The following EXOSC7 variants were observed in gnomAD, a reference collection of about 807,000 sequenced individuals.
The protein encoded by EXOSC7 is exosome complex component RRP42.
In EXOSC7, 25 loss-of-function variants were observed where a neutral mutation model predicts 34.3. That is an observed-to-expected ratio of 0.73 (90% CI 0.53 to 1.02). EXOSC7 has a LOEUF of 1.02. Among genes scored for constraint, EXOSC7 ranks in the 50% least tolerant of loss-of-function variants. EXOSC7 has a pLI of 0.00. For synonymous variants in EXOSC7, 130 were observed against 143.0 expected (o/e 0.91, Z 0.65); for missense variants, 370 against 368.5 (o/e 1.00, Z -0.03).
chr3:45,005,242 T>A lies in EXOSC7; in HGVS notation c.492-49T>A, dbSNP rs772247607. The A allele has an allele frequency of 2.5e-6, 4 of 1,608,958 alleles. No homozygotes were observed. In the Admixed American group the frequency reaches 6.7e-5, roughly 27 times the overall value. On this transcript the variant is annotated intron_variant, in intron 5 of 7. Transcript: ENST00000265564. ...TCCTATTCTCAATCTTAAAAAGAAG[T>A]TATTTTTCCTCCTCCAAGTGGGAAT...
chr3:45,011,391 C>G lies in EXOSC7; in HGVS notation c.*52C>G. 1 of 1,162,590 alleles carries G rather than the reference C, an allele frequency of 8.6e-7. No homozygotes were observed. Among genetic ancestry groups the G allele is most frequent in the Non-Finnish European group, 1.3e-6 (1 of 794,824 alleles). 72.0% of individuals were successfully genotyped at this position (1,162,590 alleles called of 1,614,324 possible). A position where few individuals can be genotyped will look rare whatever the true frequency, so the allele number is the denominator to read the frequency against. On this transcript the variant is annotated 3_prime_UTR_variant, in exon 8 of 8. Transcript: ENST00000265564. ...ATTGTTTTTTACTTTTCCTTTTAAA[C>G]CGGTTCGTATATATTTTTCTTCGCT...
At chr3:45,001,900 C>G (rs550153457) in intron 5 of EXOSC7, 27 of 347,574 alleles carry the variant, frequency 7.8e-5, no homozygotes, top group African/African-American at 4.3e-4. Context: ...GAGTAGACAC[C>G]ACCTACAGGC....
intron 3 of EXOSC7, among the ~76,000 whole-genome samples, chr3:44,992,143 A>G (rs1706591048): frequency 6.6e-6 from 1 of 152,190 alleles, no homozygotes; most frequent in African/African-American, 2.4e-5. Context: ...GTGCCCAGCA[A>G]TAAGGGTGCC....
intron 6 of EXOSC7, among the ~76,000 whole-genome samples, chr3:45,006,408 T>A (rs1178233302): frequency 8.3e-6 from 1 of 120,904 alleles, no homozygotes; most frequent in Non-Finnish European, 1.7e-5. Flanking sequence ...TTATTTGTTT[T>A]TTTTTTTTTT....
At chr3:44,996,187 C>G (rs966102918) in intron 3 of EXOSC7, among the ~76,000 whole-genome samples, 1 of 152,182 alleles carries the variant, frequency 6.6e-6, no homozygotes, top group Non-Finnish European at 1.5e-5. Flanking sequence ...TTTATAGAGT[C>G]CATGCTGAAA....
At chr3:44,989,416 C>T in intron 2 of EXOSC7, 134 bp from the exon 3 acceptor site, 1 of 834,582 alleles carries the variant, frequency 1.2e-6, no homozygotes, top group Non-Finnish European at 1.9e-6. Context: ...CTCACCTCCT[C>T]CAAAGACCAC....
chr3:44,999,514 C>A (rs1235382938), intron 4 of EXOSC7, among the ~76,000 whole-genome samples: 1 of 152,032 alleles, frequency 6.6e-6, no homozygotes, highest in Non-Finnish European at 1.5e-5. Context: ...CATGGTGAAA[C>A]CCTGTCTCTA....
chr3:44,976,289 G>A lies in EXOSC7; in HGVS notation c.12G>A (p.Val4=), dbSNP rs748652292. ...GGCAGCTCGGCAGCATGGCGTCCGT[G>A]ACGCTGAGCGAGGCGGAGAAGGTGT... is the stretch of plus-strand genomic sequence containing the variant. MAS[V]TLSEAEKVYI... The change falls in exon 1 of 8, where the codon GTG becomes GTA. Residue 4 remains valine (V), a synonymous_variant. Transcript: ENST00000265564. The A allele has an allele frequency of 6.4e-7, 1 of 1,562,072 alleles. No homozygotes were observed. The highest frequency in any genetic ancestry group is 1.2e-5 in the South Asian group (1 of 85,230).
At chr3:44,987,888 G>A (rs933724670) in intron 1 of EXOSC7, among the ~76,000 whole-genome samples, 2 of 152,222 alleles carry the variant, frequency 1.3e-5, no homozygotes, top group African/African-American at 4.8e-5. Flanking sequence ...AATGAACCAT[G>A]TGATGTTAGA....
chr3:45,008,524 T>C (rs1419777089), intron 7 of EXOSC7, among the ~76,000 whole-genome samples: 1 of 152,252 alleles, frequency 6.6e-6, no homozygotes, highest in Non-Finnish European at 1.5e-5. Flanking sequence ...CTGCCCTGGC[T>C]GCAAACCTGG....
At chr3:44,992,787 A>C (rs1433407157) in intron 3 of EXOSC7, among the ~76,000 whole-genome samples, 1 of 152,198 alleles carries the variant, frequency 6.6e-6, no homozygotes, top group Non-Finnish European at 1.5e-5. Context: ...CGAGCCATCA[A>C]GTTGCTTCTC....
intron 7 of EXOSC7, 60 bp downstream of exon 7, chr3:45,007,635 C>T (rs1453461127): frequency 4.0e-6 from 6 of 1,481,806 alleles, no homozygotes; most frequent in Non-Finnish European, 5.4e-6. Flanking sequence ...CTGCTTCCTG[C>T]TCCCTTGGTC....
intron 3 of EXOSC7, among the ~76,000 whole-genome samples, chr3:44,993,177 T>G (rs1706618172): frequency 6.6e-6 from 1 of 152,148 alleles, no homozygotes; most frequent in Non-Finnish European, 1.5e-5. Flanking sequence ...ATGAGATAAC[T>G]CTCGCAGACA....
At chr3:44,985,909 T>C (rs942908031) in intron 1 of EXOSC7, among the ~76,000 whole-genome samples, 2 of 152,084 alleles carry the variant, frequency 1.3e-5, no homozygotes, top group African/African-American at 2.4e-5. Context: ...GTAGATTAGC[T>C]AGATACAGAG....
intron 1 of EXOSC7, among the ~76,000 whole-genome samples, chr3:44,982,996 C>T (rs1706311531): frequency 2.0e-5 from 3 of 152,304 alleles, no homozygotes; most frequent in South Asian, 4.1e-4. Context: ...GGAATTTAGT[C>T]TCACTTCTCC....
chr3:44,979,029 AGTT>A (rs1459168342), intron 1 of EXOSC7, among the ~76,000 whole-genome samples: 1 of 152,214 alleles, frequency 6.6e-6, no homozygotes, highest in Non-Finnish European at 1.5e-5. Context: ...ATTTGGGCAC[AGTT>A]GTTGGTAAAT....
At chr3:45,005,513 A>G in intron 6 of EXOSC7, 99 bp downstream of exon 6, 1 of 1,213,154 alleles carries the variant, frequency 8.2e-7, no homozygotes, top group Non-Finnish European at 1.2e-6. Context: ...AAGTTGTAAT[A>G]CCACACACCA....
At chr3:45,005,264 G>A (rs762077093) in intron 5 of EXOSC7, 27 bp from the exon 6 acceptor site, 4 of 1,613,206 alleles carry the variant, frequency 2.5e-6, no homozygotes, top group Non-Finnish European at 2.5e-6. Context: ...CTCCAAGTGG[G>A]AATTTTACTA....
Position 44,997,076 on chromosome 3 carries a change from G to GT in EXOSC7, c.255-7dup, listed in dbSNP as rs777435027. 6.2e-7 allele frequency: 1 copy of GT among 1,608,434 alleles called. No individual in the cohort carries two copies. The highest frequency in any genetic ancestry group is 1.3e-5 in the African/African-American group (1 of 74,652). ...AGACTCACCCAGTTTTTTTGTTTCT[G>GT]TTTTGTATAGTTCAGCCAGTGCTAC... On this transcript the variant is annotated splice_polypyrimidine_tract_variant and intron_variant, in intron 3 of 7. Transcript: ENST00000265564.
Sources: allele counts gnomAD v4.1 joint callset (sites outside exome capture counted in the v4.1 genomes callset), GRCh38; gene constraint gnomAD v4.1.1; transcripts MANE v1.5; gene names NCBI Gene and HGNC (gene_info 2026-07-23, HGNC 2026-07-21).